PTPN2: variants seen among roughly 807,000 people sequenced by gnomAD.
PTPN2 encodes the protein protein tyrosine phosphatase non-receptor type 2, also known as tyrosine-protein phosphatase non-receptor type 2.
A neutral mutation model predicts 57.3 loss-of-function variants in PTPN2; 19 were observed. The ratio of observed to expected loss-of-function variants is 0.33; its 90% CI spans 0.23 to 0.49. PTPN2 has a LOEUF of 0.49. Among genes scored for constraint, PTPN2 ranks in the 20% least tolerant of loss-of-function variants. PTPN2 has a pLI of 0.99. For missense variants in PTPN2, 358 were observed against 501.1 expected, an observed-to-expected ratio of 0.71 and a Z score of 2.73; for synonymous variants, 153 against 164.9, an observed-to-expected ratio of 0.93 and a Z score of 0.55.
intron 1 of PTPN2, among the ~76,000 whole-genome samples, chr18:12,873,182 C>G (rs1313975859): frequency 1.3e-5 from 2 of 151,692 alleles, no homozygotes; most frequent in African/African-American, 4.8e-5. Flanking sequence ...GATCGTGCCA[C>G]TGCACTCCAG....
intron 7 of PTPN2, among the ~76,000 whole-genome samples, chr18:12,807,586 A>AAAAAAAAATATATATATAT: frequency 2.8e-5 from 1 of 35,194 alleles, no homozygotes; most frequent in Admixed American, 5.7e-4. Context: ...AAAAAAAAAA[A>AAAAAAAAATATATATATAT]ATATATATAT....
At chr18:12,820,862 T>C (rs8098231) in intron 5 of PTPN2, among the ~76,000 whole-genome samples, 3,713 of 152,308 alleles carry the variant, frequency 0.024, 158 homozygotes, top group African/African-American at 0.084. Context: ...CCCATTTACA[T>C]TTTTAAAAGA....
intron 1 of PTPN2, among the ~76,000 whole-genome samples, chr18:12,870,310 CATATATATGTGTATATATAT>C (rs2044160475): frequency 1.7e-5 from 1 of 57,530 alleles, no homozygotes; most frequent in African/African-American, 1.2e-4. Flanking sequence ...TGTATATATA[CATATATATGTGTATATATAT>C]GTATATATAT....
rs1181842820 is a variant in PTPN2, at chr18:12,851,246, G to A, written c.160+7918C>T. On this transcript the variant is annotated intron_variant, in intron 2 of 8. Coordinates refer to ENST00000309660, the MANE Select transcript of PTPN2 (RefSeq NM_002828.4). ...TGTAATCCCAGCACTTTGGGAGGCC[G>A]AGGCGGGTGGATCATGAGGTCAGGA... is the stretch of plus-strand genomic sequence containing the variant. Among the ~76,000 whole-genome samples, 2 of 8,674 alleles carry A rather than the reference G, an allele frequency of 2.3e-4. 1 individual carries two copies. Among genetic ancestry groups the A allele is most frequent in the African/African-American group, 3.6e-4 (2 of 5,494 alleles). 5.7% of individuals were successfully genotyped at this position (8,674 alleles called of 152,430 possible).
At chr18:12,846,989 A>T (rs2043231827) in intron 2 of PTPN2, among the ~76,000 whole-genome samples, 1 of 151,912 alleles carries the variant, frequency 6.6e-6, no homozygotes, top group African/African-American at 2.4e-5. Flanking sequence ...ACTTAATGAT[A>T]TCTTTAATAC....
At chr18:12,818,311 C>T (rs1259743398) in intron 5 of PTPN2, among the ~76,000 whole-genome samples, 4 of 152,090 alleles carry the variant, frequency 2.6e-5, no homozygotes, top group African/African-American at 9.7e-5. Context: ...TCTAAAGAAA[C>T]GATCTTTATA....
intron 2 of PTPN2, chr18:12,841,133 G>C (rs2043029620): frequency 2.9e-6 from 1 of 339,552 alleles, no homozygotes; most frequent in South Asian, 1.2e-4. Context: ...GAAGGAGCTT[G>C]AGTAGTTGCT....
Position 12,837,056 on chromosome 18 carries a change from A to G in PTPN2, c.161-165T>C, listed in dbSNP as rs977127788. On this transcript the variant is annotated intron_variant, in intron 2 of 8. Transcript: ENST00000309660. ...CTAAACTATTCTCTACTTTTTTTGTAAGGAGTATAAAATGCAATCTTGTTT... is the reference window on the plus strand; with the variant it reads ...CTAAACTATTCTCTACTTTTTTTGTGAGGAGTATAAAATGCAATCTTGTTT... Among the ~76,000 whole-genome samples the G allele has an allele frequency of 5.9e-5, 9 of 152,340 alleles. No individual in the cohort carries two copies. In the East Asian group the frequency reaches 1.7e-3, roughly 29 times the overall value.
intron 2 of PTPN2, among the ~76,000 whole-genome samples, chr18:12,849,636 G>A (rs1300125273): frequency 6.6e-6 from 1 of 152,138 alleles, no homozygotes; most frequent in Non-Finnish European, 1.5e-5. Context: ...AACTTAATGT[G>A]AACATAATGT....
chr18:12,832,395 GT>G (rs2042701778), intron 3 of PTPN2, among the ~76,000 whole-genome samples: 1 of 152,140 alleles, frequency 6.6e-6, no homozygotes, highest in East Asian at 1.9e-4. Context: ...GGGATTACAG[GT>G]ATCAGCCATG....
At chr18:12,856,119 G>A (rs9948174) in intron 2 of PTPN2, among the ~76,000 whole-genome samples, 58 of 152,288 alleles carry the variant, frequency 3.8e-4, no homozygotes, top group African/African-American at 1.4e-3. Context: ...GAACTCTAGC[G>A]CAATGAGCCG....
chr18:12,814,830 T>C (rs1261075668), intron 6 of PTPN2, among the ~76,000 whole-genome samples: 2 of 152,052 alleles, frequency 1.3e-5, no homozygotes, highest in East Asian at 1.9e-4. Context: ...TGATGGCTCA[T>C]GCCTGTAATC....
chr18:12,870,439 GTGTATA>G (rs1304773850), intron 1 of PTPN2, among the ~76,000 whole-genome samples: 524 of 30,268 alleles, frequency 0.017, 45 homozygotes, highest in African/African-American at 0.071. Flanking sequence ...ATATATATAT[GTGTATA>G]TATATATATA....
intron 2 of PTPN2, among the ~76,000 whole-genome samples, chr18:12,853,286 A>C (rs1423658905): frequency 6.6e-6 from 1 of 152,148 alleles, no homozygotes; most frequent in African/African-American, 2.4e-5. Context: ...AATAGCTGGG[A>C]CTACAGGCAT....
At chr18:12,884,011 G>A in intron 1 of PTPN2, 62 bp downstream of exon 1, 2 of 1,419,560 alleles carry the variant, frequency 1.4e-6, no homozygotes, top group African/African-American at 1.5e-5. Flanking sequence ...GGACCCTGCG[G>A]ACAGGGCACG....
rs1234859066 is a variant in PTPN2, at chr18:12,870,458, TATATAGAG to T, written c.70-11212_70-11205del. ...ATATATGTGTATATATATATATATATATATAGAGAGAGAGAGAGAGAGAGAGAGAGAGA... is the reference window on the plus strand; with the variant it reads ...ATATATGTGTATATATATATATATATAGAGAGAGAGAGAGAGAGAGAGAGA... On this transcript the variant is annotated intron_variant, in intron 1 of 8. Transcript: ENST00000309660. Among the ~76,000 whole-genome samples, 80 of 30,270 alleles carry T rather than the reference TATATAGAG, an allele frequency of 2.6e-3. 2 individuals are homozygous for T. Among genetic ancestry groups the T allele is most frequent in the Admixed American group, 3.3e-3 (6 of 1,840 alleles). The allele number at this position is 30,270 out of a possible 152,430, so 19.9% of individuals were successfully genotyped here.
intron 8 of PTPN2, among the ~76,000 whole-genome samples, chr18:12,800,400 T>C (rs1416211220): frequency 6.6e-6 from 1 of 152,176 alleles, no homozygotes; most frequent in Non-Finnish European, 1.5e-5. Context: ...CTGAAAGCCT[T>C]ATTATTGAAA....
chr18:12,868,026 T>C (rs183350802), intron 1 of PTPN2, among the ~76,000 whole-genome samples: 1 of 152,310 alleles, frequency 6.6e-6, no homozygotes, highest in East Asian at 1.9e-4. Context: ...CACACCTGTG[T>C]GGCCGCTTAC....
chr18:12,786,626 C>T (rs45525233), intron 9 of PTPN2: 1 of 152,152 alleles, frequency 6.6e-6, no homozygotes, highest in Non-Finnish European at 1.5e-5. Context: ...CCATTCTTCC[C>T]CCAACTCCCC....
Sources: gnomAD v4.1 joint callset for allele counts (sites outside exome capture counted in the v4.1 genomes callset) on GRCh38, gnomAD v4.1.1 for gene constraint, MANE v1.5 for transcripts, NCBI Gene and HGNC (gene_info 2026-07-23, HGNC 2026-07-21) for gene names.